ESRRG: variants seen among roughly 807,000 people sequenced by gnomAD.
ESRRG encodes the protein estrogen-related receptor gamma.
Under a neutral mutation model 44.0 loss-of-function variants are expected in ESRRG, and 13 were observed. The observed-to-expected ratio is 0.30, with a 90% CI of 0.19 to 0.47. ESRRG has a LOEUF of 0.47. Ranked by LOEUF, ESRRG falls within the 20% of genes least tolerant of loss-of-function variation. The pLI, the probability that ESRRG is intolerant of heterozygous loss-of-function variation, is 1.00. For synonymous variants in ESRRG, 215 were observed against 214.6 expected, an observed-to-expected ratio of 1.00 and a Z score of -0.02; for missense variants, 395 against 580.6, an observed-to-expected ratio of 0.68 and a Z score of 3.29.
At chr1:217,033,609 T>C (rs1316341777) in intron 1 of ESRRG, among the ~76,000 whole-genome samples, 1 of 152,210 alleles carries the variant, frequency 6.6e-6, no homozygotes, top group Non-Finnish European at 1.5e-5. Flanking sequence ...GAAATTGTAT[T>C]CTTTAAAAGG....
intron 2 of ESRRG, 53 bp downstream of exon 2, chr1:216,677,023 A>G (rs1011211888): frequency 4.3e-6 from 6 of 1,383,102 alleles, no homozygotes; most frequent in Non-Finnish European, 6.0e-6. Flanking sequence ...AAAAACAAAA[A>G]CCCATCATGT....
chr1:216,550,433 G>A (rs146348188), intron 5 of ESRRG, among the ~76,000 whole-genome samples: 1 of 152,096 alleles, frequency 6.6e-6, no homozygotes, highest in Non-Finnish European at 1.5e-5. Flanking sequence ...ACTAATAAGA[G>A]GGAAAAAATG....
chr1:216,903,368 C>CG (rs1491240258), intron 2 of ESRRG, among the ~76,000 whole-genome samples: 17 of 151,042 alleles, frequency 1.1e-4, no homozygotes, highest in Admixed American at 1.1e-3. Flanking sequence ...CAAAGAGAGC[C>CG]GTGTGTGTTT....
chr1:216,782,360 T>C (rs1243418604), intron 2 of ESRRG, among the ~76,000 whole-genome samples: 1 of 152,036 alleles, frequency 6.6e-6, no homozygotes, highest in Non-Finnish European at 1.5e-5. Context: ...AAGTATTTTC[T>C]CTCTGTCTCT....
intron 2 of ESRRG, among the ~76,000 whole-genome samples, chr1:216,745,135 T>G (rs1455493350): frequency 1.3e-5 from 2 of 151,810 alleles, no homozygotes; most frequent in Non-Finnish European, 2.9e-5. Flanking sequence ...TTGCTTGTCT[T>G]TCATCCTTTT....
At chr1:216,647,872 C>T (rs535870141) in intron 3 of ESRRG, among the ~76,000 whole-genome samples, 3 of 152,308 alleles carry the variant, frequency 2.0e-5, no homozygotes, top group South Asian at 4.1e-4. Context: ...AAGTTCCCAT[C>T]GAAGCTGTTG....
At chr1:217,093,464 A>AG (rs1194190149), upstream of ESRRG, among the ~76,000 whole-genome samples, 1 of 118,806 alleles carries the variant, frequency 8.4e-6, no homozygotes, top group Admixed American at 8.7e-5. Context: ...AAGGCAGCTC[A>AG]GGAAAAAAAA....
chr1:216,548,092 A>G (rs772956877), intron 5 of ESRRG, among the ~76,000 whole-genome samples: 5 of 152,092 alleles, frequency 3.3e-5, no homozygotes, highest in African/African-American at 4.8e-5. Context: ...GGTTTTGCAG[A>G]AAGAAAAACA....
At chr1:216,598,335 C>T (rs1321439555) in intron 3 of ESRRG, among the ~76,000 whole-genome samples, 1 of 152,136 alleles carries the variant, frequency 6.6e-6, no homozygotes, top group Non-Finnish European at 1.5e-5. Context: ...GTGGCTGCTA[C>T]ATGTATCTGC....
intron 2 of ESRRG, among the ~76,000 whole-genome samples, chr1:216,821,426 C>T (rs1414583481): frequency 6.6e-6 from 1 of 151,974 alleles, no homozygotes; most frequent in Non-Finnish European, 1.5e-5. Context: ...TGGCTCCTGT[C>T]TGTAATCCCA....
At chr1:217,078,398 A>G (rs1370485021) in intron 1 of ESRRG, 1 of 152,264 alleles carries the variant, frequency 6.6e-6, no homozygotes, top group Non-Finnish European at 1.5e-5. Context: ...GCAGCCCTGC[A>G]GAAAGGAACC....
At chr1:217,067,843 A>AG (rs575361968) in intron 1 of ESRRG, among the ~76,000 whole-genome samples, 2 of 152,168 alleles carry the variant, frequency 1.3e-5, no homozygotes, top group African/African-American at 4.8e-5. Flanking sequence ...CTCATTTCAA[A>AG]GGGGAAAAAA....
chr1:216,584,260 A>AT (rs34841184), intron 3 of ESRRG, among the ~76,000 whole-genome samples: 26,391 of 144,022 alleles, frequency 0.18, 2,512 homozygotes, highest in Middle Eastern at 0.23. Context: ...AAAACTTACA[A>AT]TTTTTTTTTT....
chr1:217,122,664 C>CTTT (rs10716545), intron 1 of ESRRG, among the ~76,000 whole-genome samples: 129 of 87,344 alleles, frequency 1.5e-3, no homozygotes, highest in African/African-American at 2.2e-3. Flanking sequence ...GACACACACA[C>CTTT]TTTTTTTTTT....
At chr1:216,961,526 C>T (rs2069053702) in intron 1 of ESRRG, among the ~76,000 whole-genome samples, 1 of 150,782 alleles carries the variant, frequency 6.6e-6, no homozygotes, top group Admixed American at 6.6e-5. Context: ...TTCCTACATT[C>T]CCTGACATAG....
At chr1:216,717,008 A>C (rs2085042356) in intron 1 of ESRRG, among the ~76,000 whole-genome samples, 1 of 151,912 alleles carries the variant, frequency 6.6e-6, no homozygotes, top group Non-Finnish European at 1.5e-5. Flanking sequence ...CCAAGTATAC[A>C]TGCATTGTCA....
chr1:217,090,174 A>T (rs1406043886), upstream of ESRRG, among the ~76,000 whole-genome samples: 1 of 152,046 alleles, frequency 6.6e-6, no homozygotes, highest in Admixed American at 6.5e-5. Context: ...CCGCCGCCGC[A>T]GCCGCTGCAA....
chr1:216,995,397 T>C (rs934018056), intron 1 of ESRRG, among the ~76,000 whole-genome samples: 1 of 152,196 alleles, frequency 6.6e-6, no homozygotes, highest in Non-Finnish European at 1.5e-5. Context: ...TTAAAACCCT[T>C]CAGTGGCTCT....
intron 1 of ESRRG, among the ~76,000 whole-genome samples, chr1:216,713,165 C>T (rs889253654): frequency 2.0e-5 from 3 of 151,922 alleles, no homozygotes; most frequent in Non-Finnish European, 2.9e-5. Flanking sequence ...AATCTGAATA[C>T]GCCAAATTAT....
Sources: allele counts gnomAD v4.1 joint callset (sites outside exome capture counted in the v4.1 genomes callset), GRCh38; gene constraint gnomAD v4.1.1; transcripts MANE v1.5; gene names NCBI Gene and HGNC (gene_info 2026-07-23, HGNC 2026-07-21).